Variants in CADM2 observed in about 807,000 individuals in gnomAD.
CADM2 encodes the protein cell adhesion molecule 2.
CADM2 carries 12 observed loss-of-function variants against 49.8 expected under a neutral mutation model. That is an observed-to-expected ratio of 0.24 (90% CI 0.15 to 0.39). The LOEUF is 0.39. Among genes scored for constraint, CADM2 ranks in the 10% least tolerant of loss-of-function variants. The probability of loss-of-function intolerance (pLI) is 1.00; values close to 1 mark genes in which losing one functional copy is unlikely to be tolerated. For missense variants in CADM2, 378 were observed against 492.3 expected (o/e 0.77, Z 2.20); for synonymous variants, 214 against 175.4 (o/e 1.22, Z -1.74).
At chr3:85,365,199 C>CTTTTTTTTTTTTTTTTT (rs397962829) in intron 1 of CADM2, among the ~76,000 whole-genome samples, 2 of 104,716 alleles carry the variant, frequency 1.9e-5, no homozygotes, top group African/African-American at 3.6e-5. Flanking sequence ...TTTTTTTTTA[C>CTTTTTTTTTTTTTTTTT]TTTTTTTTTT....
intron 8 of CADM2, among the ~76,000 whole-genome samples, chr3:86,038,909 T>C (rs1559817133): frequency 2.6e-5 from 4 of 152,194 alleles, no homozygotes; most frequent in Admixed American, 2.6e-4. Flanking sequence ...CATACATTTC[T>C]GCCTCTAGTG....
At chr3:85,327,069 T>A (rs1030716058) in intron 1 of CADM2, among the ~76,000 whole-genome samples, 1 of 151,984 alleles carries the variant, frequency 6.6e-6, no homozygotes, top group Non-Finnish European at 1.5e-5. Context: ...CCTTTTTATT[T>A]GTTTTGCCTT....
intron 1 of CADM2, among the ~76,000 whole-genome samples, chr3:85,699,705 T>A (rs113171166): frequency 6.6e-6 from 1 of 152,094 alleles, no homozygotes; most frequent in Non-Finnish European, 1.5e-5. Flanking sequence ...AAACCATTTT[T>A]CCCCCCTAGG....
At chr3:85,481,858 T>G (rs139523270) in intron 1 of CADM2, among the ~76,000 whole-genome samples, 221 of 151,628 alleles carry the variant, frequency 1.5e-3, no homozygotes, top group African/African-American at 5.0e-3. Context: ...AATACCCTGA[T>G]GAACACTCTA....
intron 1 of CADM2, among the ~76,000 whole-genome samples, chr3:85,049,437 G>T (rs1203284954): frequency 2.0e-5 from 3 of 151,572 alleles, no homozygotes; most frequent in Non-Finnish European, 4.4e-5. Context: ...TGCAAGCTCC[G>T]CCTCCCGGGT....
chr3:85,159,905 T>C (rs897293605), intron 1 of CADM2, among the ~76,000 whole-genome samples: 1 of 152,172 alleles, frequency 6.6e-6, no homozygotes, highest in Non-Finnish European at 1.5e-5. Context: ...CATTAATAAA[T>C]CCATGCTTTT....
intron 8 of CADM2, among the ~76,000 whole-genome samples, chr3:85,981,171 T>A (rs1235447937): frequency 1.3e-5 from 2 of 151,360 alleles, no homozygotes; most frequent in Admixed American, 6.6e-5. Flanking sequence ...TATATATATA[T>A]AATTCTGTTT....
At chr3:85,532,515 C>A (rs775971739) in intron 1 of CADM2, among the ~76,000 whole-genome samples, 12 of 152,102 alleles carry the variant, frequency 7.9e-5, no homozygotes, top group African/African-American at 1.2e-4. Context: ...TCACTCCACT[C>A]CACTCTAGTT....
chr3:85,537,495 TGTG>T (rs2061448942), intron 1 of CADM2, among the ~76,000 whole-genome samples: 1 of 5,338 alleles, frequency 1.9e-4, no homozygotes, highest in African/African-American at 2.7e-4. Flanking sequence ...CATGGTTGTT[TGTG>T]TGTGTGTGTG....
intron 1 of CADM2, among the ~76,000 whole-genome samples, chr3:85,167,393 T>C (rs922878285): frequency 6.6e-6 from 1 of 152,050 alleles, no homozygotes; most frequent in Non-Finnish European, 1.5e-5. Context: ...ATAAAATGGA[T>C]ATAAAATATA....
intron 8 of CADM2, among the ~76,000 whole-genome samples, chr3:85,991,752 AG>A (rs1030263391): frequency 3.3e-5 from 5 of 152,128 alleles, no homozygotes. Flanking sequence ...AAATTTATTA[AG>A]GATATCGATT....
intron 1 of CADM2, among the ~76,000 whole-genome samples, chr3:85,340,290 C>G (rs573748929): frequency 1.3e-5 from 2 of 151,442 alleles, no homozygotes; most frequent in African/African-American, 4.8e-5. Context: ...AAATTTAAAG[C>G]CTCTGCCATG....
chr3:85,871,456 GAGATC>G (rs2075923764), intron 3 of CADM2, among the ~76,000 whole-genome samples: 1 of 152,028 alleles, frequency 6.6e-6, no homozygotes, highest in Non-Finnish European at 1.5e-5. Flanking sequence ...TAATATTTAA[GAGATC>G]TATAGGCTCT....
intron 8 of CADM2, among the ~76,000 whole-genome samples, chr3:86,053,913 A>G (rs1363630292): frequency 6.6e-6 from 1 of 152,082 alleles, no homozygotes; most frequent in Non-Finnish European, 1.5e-5. Context: ...AAACTTTTGT[A>G]TATATTATCT....
At chr3:85,312,521 A>G (rs72921358) in intron 1 of CADM2, among the ~76,000 whole-genome samples, 14,332 of 152,034 alleles carry the variant, frequency 0.094, 1,399 homozygotes, top group African/African-American at 0.25. Context: ...CTAGTTTGCT[A>G]TGAATTATCC....
At chr3:85,010,429 A>T (rs544654674) in intron 1 of CADM2, among the ~76,000 whole-genome samples, 1 of 152,184 alleles carries the variant, frequency 6.6e-6, no homozygotes, top group South Asian at 2.1e-4. Flanking sequence ...TAAAATGAAC[A>T]GAATAACTTA....
chr3:85,971,953 C>T (rs899083480), intron 8 of CADM2, among the ~76,000 whole-genome samples: 11 of 151,352 alleles, frequency 7.3e-5, no homozygotes, highest in African/African-American at 2.4e-4. Context: ...TATGAGAAAC[C>T]AGTGGAAGCT....
At chr3:85,149,546 GA>G (rs1354629604) in intron 1 of CADM2, among the ~76,000 whole-genome samples, 1 of 152,090 alleles carries the variant, frequency 6.6e-6, no homozygotes, top group Non-Finnish European at 1.5e-5. Context: ...CTAACAGGGT[GA>G]AACCCCGTCT....
intron 1 of CADM2, among the ~76,000 whole-genome samples, chr3:85,688,916 A>G (rs1429745902): frequency 6.6e-6 from 1 of 152,156 alleles, no homozygotes; most frequent in Non-Finnish European, 1.5e-5. Context: ...CACATGATCC[A>G]AGCTTTTCAT....
Sources: gnomAD v4.1 joint callset for allele counts (sites outside exome capture counted in the v4.1 genomes callset) on GRCh38, gnomAD v4.1.1 for gene constraint, MANE v1.5 for transcripts, NCBI Gene and HGNC (gene_info 2026-07-23, HGNC 2026-07-21) for gene names.